Variants in FAM219B observed in about 807,000 individuals in gnomAD.
FAM219B encodes the protein protein FAM219B.
FAM219B carries 18 observed loss-of-function variants against 19.9 expected under a neutral mutation model. The ratio of observed to expected loss-of-function variants is 0.91; its 90% CI spans 0.63 to 1.34. FAM219B has a LOEUF of 1.34. Among genes scored for constraint, FAM219B ranks in the 40% most tolerant of loss-of-function variants. The probability of loss-of-function intolerance (pLI) is 0.00; values close to 1 mark genes in which losing one functional copy is unlikely to be tolerated. For synonymous variants in FAM219B, 123 were observed against 117.5 expected, an observed-to-expected ratio of 1.05 and a Z score of -0.30; for missense variants, 283 against 270.5, an observed-to-expected ratio of 1.05 and a Z score of -0.32.
chr15:74,902,772 A>G lies in FAM219B; in HGVS notation c.444T>C (p.Asp148=), dbSNP rs755927388. The G allele has an allele frequency of 6.2e-7, 1 of 1,609,152 alleles. No individual in the cohort carries two copies. Among genetic ancestry groups the G allele is most frequent in the Admixed American group, 1.7e-5 (1 of 59,348 alleles). ...GYSSAEQVNQ[D]VSRQLLQDGY... The stretch of plus-strand genomic sequence containing the variant: ...CATCCTGAAGCAGCTGCCGGCTCAC[A>G]TCCTGGTTCACCTGCTAAGAGAAGG... Residue 148 remains aspartate (D), a synonymous_variant, in exon 5 of 5, where the codon GAT becomes GAC. Transcript: ENST00000357635.
At position 74,905,405 on chromosome 15, in the gene FAM219B, A is replaced by C. The variant is rs551365389; in HGVS notation, c.303-174T>G. 87 of 602,046 alleles carry C rather than the reference A, an allele frequency of 1.4e-4. 3 individuals carry two copies. The East Asian group carries it at 2.6e-3, about 18-fold the overall frequency. The allele number at this position is 602,046 out of a possible 1,614,324, so 37.3% of individuals were successfully genotyped here. Reference sequence around the variant, plus strand: ...TCCATGTACCTGGCTACAGTGCCTCAGAATGTGTATGTTCTCATTCTTTTT... The same window carrying C: ...TCCATGTACCTGGCTACAGTGCCTCCGAATGTGTATGTTCTCATTCTTTTT... On this transcript the variant is annotated intron_variant, in intron 2 of 4. Coordinates refer to ENST00000357635, the MANE Select transcript of FAM219B (RefSeq NM_020447.5).
intron 3 of FAM219B, 38 bp downstream of exon 3, chr15:74,905,116 T>A (rs1396140666): frequency 6.2e-7 from 1 of 1,613,350 alleles, no homozygotes; most frequent in East Asian, 2.2e-5. Context: ...CCCAGCCAAG[T>A]TGCTTCCCAA....
At chr15:74,898,015 G>C, downstream of FAM219B, 1 of 491,704 alleles carries the variant, frequency 2.0e-6, no homozygotes. Flanking sequence ...CTCTGTTCCA[G>C]CCTATGGCTT....
At chr15:74,906,402 C>G in intron 1 of FAM219B, 37 bp from the exon 2 acceptor site, 3 of 1,578,942 alleles carry the variant, frequency 1.9e-6, no homozygotes, top group Non-Finnish European at 2.6e-6. Context: ...CGGGTCTTCC[C>G]CACTCCGCCG....
At chr15:74,903,536 G>A (rs2065053439) in intron 4 of FAM219B, among the ~76,000 whole-genome samples, 1 of 146,888 alleles carries the variant, frequency 6.8e-6, no homozygotes, top group Non-Finnish European at 1.5e-5. Context: ...GGGAGGCGGA[G>A]CTTCCAGTGA....
At chr15:74,905,513 T>C (rs2065151615) in intron 2 of FAM219B, 1 of 323,608 alleles carries the variant, frequency 3.1e-6, no homozygotes, top group Non-Finnish European at 6.1e-6. Context: ...AATCTCCGCC[T>C]ACCATGCTCA....
At position 74,906,812 on chromosome 15, in the gene FAM219B, GC is replaced by G. The variant is rs1404288449; in HGVS notation, c.-13del. 1 of 1,276,622 alleles carries G rather than the reference GC, an allele frequency of 7.8e-7. No individual in the cohort carries two copies. The highest frequency in any genetic ancestry group is 4.2e-5 in the Admixed American group (1 of 23,902). The allele number at this position is 1,276,622 out of a possible 1,614,324, so 79.1% of individuals were successfully genotyped here. ...TCCGCGGTCGCCATGGCCGGGCCCC[GC>G]CCTGCCGGATGGTGCAACCCCGCCC... On this transcript the variant is annotated 5_prime_UTR_variant, in exon 1 of 5. Transcript: ENST00000357635.
chr15:74,904,734 C>T (rs1270926675), intron 3 of FAM219B, 22 bp from the exon 4 acceptor site: 3 of 1,614,216 alleles, frequency 1.9e-6, no homozygotes, highest in South Asian at 1.1e-5. Flanking sequence ...GGAAAACAGT[C>T]AGTTCCGGGA....
In FAM219B at chr15:74,906,735, C is replaced by G; in HGVS notation, c.66G>C (p.Gly22=). 2.2e-6 allele frequency: 3 copies of G among 1,351,710 alleles called. No homozygotes were observed. The highest frequency in any genetic ancestry group is 2.9e-6 in the Non-Finnish European group (3 of 1,049,498). The allele number at this position is 1,351,710 out of a possible 1,614,324, so 83.7% of individuals were successfully genotyped here. A position where few individuals can be genotyped will look rare whatever the true frequency, so the allele number is the denominator to read the frequency against. ...RLSTPGPRPS[G]ARDRAPGAAG... is the part of the protein sequence containing the mutation. ...CAGCTCCCGGCGCGCGGTCCCGAGC[C>G]CCGCTGGGCCGGGGTCCCGGGGTAG... The change falls in exon 1 of 5, where the codon GGG becomes GGC. Residue 22 remains glycine (G), a synonymous_variant. Transcript: ENST00000357635.
Sources: gnomAD v4.1 joint callset for allele counts (sites outside exome capture counted in the v4.1 genomes callset) on GRCh38, gnomAD v4.1.1 for gene constraint, MANE v1.5 for transcripts, NCBI Gene and HGNC (gene_info 2026-07-23, HGNC 2026-07-21) for gene names.